The following CAMTA1 variants were observed in gnomAD, a reference collection of about 807,000 sequenced individuals.
CAMTA1 encodes calmodulin binding transcription activator 1.
Under a neutral mutation model 170.9 loss-of-function variants are expected in CAMTA1, and 27 were observed. That is an observed-to-expected ratio of 0.16 (90% CI 0.12 to 0.22). The LOEUF (loss-of-function observed/expected upper bound fraction) is 0.22. Among genes scored for constraint, CAMTA1 ranks in the 10% least tolerant of loss-of-function variants. The pLI is 1.00. For synonymous variants in CAMTA1, 833 were observed against 891.5 expected, an observed-to-expected ratio of 0.93 and a Z score of 1.17; for missense variants, 1,619 against 2,217.2, an observed-to-expected ratio of 0.73 and a Z score of 5.42.
At chr1:7,498,846 G>A (rs1287979938) in intron 6 of CAMTA1, among the ~76,000 whole-genome samples, 1 of 132,264 alleles carries the variant, frequency 7.6e-6, no homozygotes, top group South Asian at 2.9e-4. Context: ...GTGTGCGTGT[G>A]TATGTATGAG....
At chr1:6,860,982 T>G (rs1445403034) in intron 3 of CAMTA1, among the ~76,000 whole-genome samples, 274 of 150,790 alleles carry the variant, frequency 1.8e-3, no homozygotes, top group Non-Finnish European at 3.5e-3. Flanking sequence ...TTTTTTTTTT[T>G]GGGTCAGAGT....
At chr1:7,337,984 T>G (rs1215440216) in intron 5 of CAMTA1, among the ~76,000 whole-genome samples, 1 of 143,762 alleles carries the variant, frequency 7.0e-6, no homozygotes, top group Non-Finnish European at 1.5e-5. Context: ...GTATTATATG[T>G]GTATATATAC....
chr1:7,091,287 T>A lies in CAMTA1; in HGVS notation c.235-17T>A. ...TGAGCTAATTGTTGTTATTATCTTTTTATTCTTCTGTTTCAGGAAATTGCA... is the reference window on the plus strand; with the variant it reads ...TGAGCTAATTGTTGTTATTATCTTTATATTCTTCTGTTTCAGGAAATTGCA... On this transcript the variant is annotated splice_polypyrimidine_tract_variant and intron_variant, in intron 3 of 22. Transcript: ENST00000303635. 6.3e-7 allele frequency: 1 copy of A among 1,581,080 alleles called. No homozygotes were observed. Among genetic ancestry groups the A allele is most frequent in the African/African-American group, 1.3e-5 (1 of 74,394 alleles).
At chr1:7,108,255 A>T (rs1241231019) in intron 4 of CAMTA1, among the ~76,000 whole-genome samples, 1 of 152,172 alleles carries the variant, frequency 6.6e-6, no homozygotes, top group Admixed American at 6.5e-5. Context: ...AGTAGCAGAA[A>T]ATTACCTTCT....
intron 6 of CAMTA1, among the ~76,000 whole-genome samples, chr1:7,548,536 T>G (rs1481940219): frequency 5.1e-5 from 7 of 136,996 alleles, no homozygotes; most frequent in African/African-American, 2.0e-4. Flanking sequence ...CCCTTAGGGG[T>G]GGAGGTGCCC....
chr1:7,358,161 C>T (rs2085267945), intron 5 of CAMTA1, among the ~76,000 whole-genome samples: 1 of 152,242 alleles, frequency 6.6e-6, no homozygotes, highest in African/African-American at 2.4e-5. Context: ...GTTGTAGTCA[C>T]TGGTCACTGG....
intron 6 of CAMTA1, among the ~76,000 whole-genome samples, chr1:7,498,259 TGA>T (rs556874617): frequency 6.4e-4 from 88 of 137,874 alleles, no homozygotes; most frequent in Middle Eastern, 3.5e-3. Context: ...GGAGAGTGTA[TGA>T]GAGAGCGTGT....
chr1:7,630,870 A>G (rs2095664540), intron 6 of CAMTA1, among the ~76,000 whole-genome samples: 1 of 152,176 alleles, frequency 6.6e-6, no homozygotes, highest in African/African-American at 2.4e-5. Flanking sequence ...CCCAGCACAG[A>G]TTGCAGGACC....
chr1:7,286,306 G>A lies in CAMTA1; in HGVS notation c.438+36680G>A, dbSNP rs546428107. Among the ~76,000 whole-genome samples the A allele has an allele frequency of 6.6e-5, 10 of 152,332 alleles. No homozygotes were observed. Among genetic ancestry groups the A allele is most frequent in the Admixed American group, 2.0e-4 (3 of 15,310 alleles). On this transcript the variant is annotated intron_variant, in intron 5 of 22. Transcript: ENST00000303635. This position sits in a 1 kb window ranked among gnomAD's most constrained non-coding sequence, Gnocchi z 4.2. ...GGGCGGAGGCGCCAGGGTGTGCCAC[G>A]TGCTTTTAGAGCTGCCCCAGCAACG...
At position 7,719,392 on chromosome 1, in the gene CAMTA1, G is replaced by A. The variant is rs150776722; in HGVS notation, c.2915-13056G>A. On this transcript the variant is annotated intron_variant, in intron 11 of 22. Transcript: ENST00000303635. ...CATTTTGTCTAATCACTGTTGGTCC[G>A]TTGTTTTGGCAGTATCCTGAATGAT... is the stretch of plus-strand genomic sequence containing the variant. Among the ~76,000 whole-genome samples the A allele has an allele frequency of 6.1e-4, 93 of 152,292 alleles. 2 individuals carry two copies. In the East Asian group the frequency reaches 9.2e-3, roughly 15 times the overall value.
Position 7,194,909 on chromosome 1 carries a change from TC to T in CAMTA1, c.303-54581del, listed in dbSNP as rs761079317. ...CTTCTCCTTTGTCAATTTGAAGAGCTCTCTTTCTATTCCTAGCAGTTATCTA... is the reference window on the plus strand; with the variant it reads ...CTTCTCCTTTGTCAATTTGAAGAGCTTCTTTCTATTCCTAGCAGTTATCTA... On this transcript the variant is annotated intron_variant, in intron 4 of 22. Transcript: ENST00000303635. Among the ~76,000 whole-genome samples the T allele has an allele frequency of 3.3e-5, 5 of 152,368 alleles. No homozygotes were observed. In the South Asian group the frequency reaches 1.0e-3, roughly 32 times the overall value.
At chr1:7,096,310 G>A (rs539932748) in intron 4 of CAMTA1, among the ~76,000 whole-genome samples, 10 of 151,976 alleles carry the variant, frequency 6.6e-5, no homozygotes, top group South Asian at 4.2e-4. Context: ...ATCTTTCCCC[G>A]CCCTGATGGT....
At chr1:6,953,924 C>T (rs115676427) in intron 3 of CAMTA1, among the ~76,000 whole-genome samples, 1,918 of 152,212 alleles carry the variant, frequency 0.013, 34 homozygotes, top group African/African-American at 0.043. Flanking sequence ...GAGCAGGCTC[C>T]GGATTCCAGG....
At chr1:7,201,519 G>A (rs1427479475) in intron 4 of CAMTA1, among the ~76,000 whole-genome samples, 2 of 152,090 alleles carry the variant, frequency 1.3e-5, no homozygotes. Context: ...GGGTATGAGG[G>A]TTCCAGTTTC....
At chr1:7,344,146 C>G (rs183514148) in intron 5 of CAMTA1, among the ~76,000 whole-genome samples, 2 of 152,218 alleles carry the variant, frequency 1.3e-5, no homozygotes, top group Non-Finnish European at 2.9e-5. Context: ...CCACCACACT[C>G]GGGACCTGAG....
At chr1:7,622,360 T>C (rs2095604520) in intron 6 of CAMTA1, among the ~76,000 whole-genome samples, 1 of 152,230 alleles carries the variant, frequency 6.6e-6, no homozygotes, top group African/African-American at 2.4e-5. Context: ...TCCACTTGGA[T>C]GTGTGATTCC....
chr1:7,025,353 T>TC (rs1172886613), intron 3 of CAMTA1, among the ~76,000 whole-genome samples: 1 of 152,194 alleles, frequency 6.6e-6, no homozygotes, highest in Admixed American at 6.5e-5. Context: ...GGAAGGGTGG[T>TC]CCCATCATCA....
At chr1:6,936,542 C>G (rs2149397930) in intron 3 of CAMTA1, among the ~76,000 whole-genome samples, 2 of 152,224 alleles carry the variant, frequency 1.3e-5, no homozygotes, top group East Asian at 3.9e-4. Flanking sequence ...TCCTGACCTT[C>G]TCTTTGATGA....
rs1399302085 is a variant in CAMTA1, at chr1:7,050,929, G to A, written c.235-40375G>A. Reference sequence around the variant, plus strand: ...CTGCAGGGAGCAGCGCTGGAAGCCCGGCCCTCTGTACTGTGTGTTCCCAGG... The same window carrying A: ...CTGCAGGGAGCAGCGCTGGAAGCCCAGCCCTCTGTACTGTGTGTTCCCAGG... On this transcript the variant is annotated intron_variant, in intron 3 of 22. Transcript: ENST00000303635. This position sits in a 1 kb window ranked among gnomAD's most constrained non-coding sequence, Gnocchi z 4.8. Among the ~76,000 whole-genome samples, 2 of 152,180 alleles carry A rather than the reference G, an allele frequency of 1.3e-5. No individual in the cohort carries two copies. The highest frequency in any genetic ancestry group is 4.8e-5 in the African/African-American group (2 of 41,434).
Sources: gnomAD v4.1 joint callset for allele counts (sites outside exome capture counted in the v4.1 genomes callset) on GRCh38, gnomAD v4.1.1 for gene constraint, Gnocchi (gnomAD v3.1) non-coding constraint, MANE v1.5 for transcripts, NCBI Gene and HGNC (gene_info 2026-07-23, HGNC 2026-07-21) for gene names.